PGM5: variants seen among roughly 807,000 people sequenced by gnomAD.
PGM5 encodes phosphoglucomutase 5, also known as phosphoglucomutase-like protein 5.
PGM5 carries 23 observed loss-of-function variants against 59.2 expected under a neutral mutation model. The ratio of observed to expected loss-of-function variants is 0.39; its 90% CI spans 0.28 to 0.55. PGM5 has a LOEUF of 0.55. Among genes scored for constraint, PGM5 ranks in the 20% least tolerant of loss-of-function variants. The pLI is 0.66. For synonymous variants in PGM5, 214 were observed against 286.0 expected (o/e 0.75, Z 2.54); for missense variants, 574 against 748.3 (o/e 0.77, Z 2.72).
At chr9:68,452,997 A>G (rs1369992795) in intron 6 of PGM5, among the ~76,000 whole-genome samples, 3 of 152,224 alleles carry the variant, frequency 2.0e-5, no homozygotes, top group Non-Finnish European at 4.4e-5. Flanking sequence ...CCCCACCACT[A>G]TCATAGTCCT....
At chr9:68,447,126 G>A (rs1823624067) in intron 6 of PGM5, among the ~76,000 whole-genome samples, 1 of 152,186 alleles carries the variant, frequency 6.6e-6, no homozygotes, top group Non-Finnish European at 1.5e-5. Context: ...TGACTCTGAA[G>A]CATAAATCAT....
At chr9:68,390,329 C>T (rs1307457258) in intron 4 of PGM5, among the ~76,000 whole-genome samples, 1 of 152,162 alleles carries the variant, frequency 6.6e-6, no homozygotes, top group Non-Finnish European at 1.5e-5. Flanking sequence ...TTCTGGGTTT[C>T]AGCCTCATTG....
chr9:68,419,172 A>G (rs1197317690), intron 6 of PGM5, among the ~76,000 whole-genome samples: 5 of 152,216 alleles, frequency 3.3e-5, no homozygotes, highest in African/African-American at 1.2e-4. Context: ...TTAATTTTTA[A>G]TTAGGAGTAA....
At chr9:68,523,574 T>C (rs772808490) in intron 10 of PGM5, among the ~76,000 whole-genome samples, 2 of 152,242 alleles carry the variant, frequency 1.3e-5, no homozygotes, top group Non-Finnish European at 2.9e-5. Flanking sequence ...GTGTTGTTAG[T>C]TGATCCTAGG....
intron 3 of PGM5, among the ~76,000 whole-genome samples, chr9:68,385,175 T>C (rs1397498682): frequency 6.6e-6 from 1 of 151,770 alleles, no homozygotes; most frequent in African/African-American, 2.4e-5. Flanking sequence ...GATAGCTTTT[T>C]GTTTTATAGA....
At chr9:68,498,549 C>A (rs947907063) in intron 9 of PGM5, 8 of 152,166 alleles carry the variant, frequency 5.3e-5, no homozygotes, top group African/African-American at 1.9e-4. Context: ...AAATTTGGAG[C>A]CTTCAAAATC....
At chr9:68,368,398 A>C (rs1554676875) in intron 1 of PGM5, among the ~76,000 whole-genome samples, 1 of 151,220 alleles carries the variant, frequency 6.6e-6, no homozygotes, top group Non-Finnish European at 1.5e-5. Context: ...GTTCAGTACA[A>C]CATTGATCAG....
At chr9:68,388,745 C>T (rs2084692222) in intron 4 of PGM5, among the ~76,000 whole-genome samples, 1 of 152,128 alleles carries the variant, frequency 6.6e-6, no homozygotes, top group Non-Finnish European at 1.5e-5. Context: ...CATTGCTCTA[C>T]TGTGTTATAG....
chr9:68,467,036 C>A (rs188098228), intron 7 of PGM5, among the ~76,000 whole-genome samples: 1 of 152,214 alleles, frequency 6.6e-6, no homozygotes, highest in East Asian at 1.9e-4. Context: ...GAACATAAAG[C>A]ATTTGTTTCA....
At chr9:68,406,662 A>G (rs1335308109) in intron 6 of PGM5, among the ~76,000 whole-genome samples, 547 of 5,304 alleles carry the variant, frequency 0.1, 9 homozygotes, top group South Asian at 0.29. Flanking sequence ...TAAATTAGGT[A>G]TATATATATA....
intron 8 of PGM5, among the ~76,000 whole-genome samples, chr9:68,482,943 G>A (rs1358602926): frequency 2.0e-5 from 3 of 152,154 alleles, no homozygotes; most frequent in African/African-American, 7.2e-5. Flanking sequence ...CAGCCCCATT[G>A]TTACATTTAA....
At chr9:68,412,745 T>C (rs552621496) in intron 6 of PGM5, among the ~76,000 whole-genome samples, 13 of 152,358 alleles carry the variant, frequency 8.5e-5, no homozygotes, top group African/African-American at 3.1e-4. Flanking sequence ...CTTAACAGTT[T>C]CTTTCTTTTA....
intron 1 of PGM5, among the ~76,000 whole-genome samples, chr9:68,369,257 G>A (rs1162081026): frequency 6.6e-6 from 1 of 152,120 alleles, no homozygotes; most frequent in Admixed American, 6.5e-5. Context: ...GATACATAGG[G>A]ATTTGGGATC....
intron 6 of PGM5, among the ~76,000 whole-genome samples, chr9:68,414,427 A>G (rs1167425040): frequency 6.6e-6 from 1 of 152,160 alleles, no homozygotes; most frequent in Non-Finnish European, 1.5e-5. Context: ...AGGATATGCT[A>G]TTGGCTACTT....
chr9:68,448,864 G>C (rs1030605930), intron 6 of PGM5, among the ~76,000 whole-genome samples: 20 of 152,188 alleles, frequency 1.3e-4, no homozygotes, highest in African/African-American at 4.6e-4. Flanking sequence ...GCAGATTGTG[G>C]GCTGATTGTG....
At chr9:68,376,340 A>G (rs1169037507) in intron 1 of PGM5, among the ~76,000 whole-genome samples, 1 of 152,082 alleles carries the variant, frequency 6.6e-6, no homozygotes, top group Non-Finnish European at 1.5e-5. Context: ...ATTCCTTCCT[A>G]ATATGTACCT....
chr9:68,439,645 CAT>C (rs1218242695), intron 6 of PGM5, among the ~76,000 whole-genome samples: 2 of 147,642 alleles, frequency 1.4e-5, no homozygotes, highest in Non-Finnish European at 3.0e-5. Context: ...TAGACATGAA[CAT>C]ATATATACAT....
At chr9:68,373,549 AT>A (rs1376877157) in intron 1 of PGM5, among the ~76,000 whole-genome samples, 2 of 152,134 alleles carry the variant, frequency 1.3e-5, no homozygotes, top group Non-Finnish European at 2.9e-5. Flanking sequence ...TTATTTCTGC[AT>A]TTTTCTAAGT....
chr9:68,441,815 T>C (rs1336559778), intron 6 of PGM5, among the ~76,000 whole-genome samples: 3 of 152,098 alleles, frequency 2.0e-5, no homozygotes, highest in African/African-American at 7.2e-5. Context: ...ATATGGATTC[T>C]ATTCATAAAT....
Sources: allele counts gnomAD v4.1 joint callset (sites outside exome capture counted in the v4.1 genomes callset), GRCh38; gene constraint gnomAD v4.1.1; transcripts MANE v1.5; gene names NCBI Gene and HGNC (gene_info 2026-07-23, HGNC 2026-07-21).